SAMD15: variants seen among roughly 807,000 people sequenced by gnomAD.
SAMD15 encodes sterile alpha motif domain containing 15.
In SAMD15, 37 loss-of-function variants were observed where a neutral mutation model predicts 50.5. That is an observed-to-expected ratio of 0.73 (90% CI 0.56 to 0.96). The LOEUF (loss-of-function observed/expected upper bound fraction) is 0.96. Among genes scored for constraint, SAMD15 ranks in the 40% least tolerant of loss-of-function variants. The probability of loss-of-function intolerance (pLI) is 0.00; values close to 1 mark genes in which losing one functional copy is unlikely to be tolerated. For synonymous variants in SAMD15, 255 were observed against 282.8 expected (o/e 0.90, Z 0.99); for missense variants, 789 against 783.8 (o/e 1.01, Z -0.08).
In SAMD15 at chr14:77,383,977, C is replaced by CAAAAA. The variant is rs71128618; in HGVS notation, c.1788+3518_1788+3522dup. Among the ~76,000 whole-genome samples the CAAAAA allele has an allele frequency of 9.1e-4, 54 of 59,084 alleles. 4 individuals are homozygous for CAAAAA. The highest frequency in any genetic ancestry group is 3.7e-3 in the African/African-American group (52 of 14,178). The allele number at this position is 59,084 out of a possible 152,430, so 38.8% of individuals were successfully genotyped here. On this transcript the variant is annotated intron_variant, in intron 2 of 2. Transcript: ENST00000216471. ...TGGGTGACAGAGCAAGACTCAGTCT[C>CAAAAA]AAAAAAAAAAAAAAAAAAAAAAAAA... is the stretch of plus-strand genomic sequence containing the variant.
In SAMD15 at chr14:77,378,750, T is replaced by C. The variant is rs1189448743; in HGVS notation, c.1332T>C (p.Pro444=). The change falls in exon 1 of 3, where the codon CCT becomes CCC. Residue 444 remains proline (P), a synonymous_variant. Transcript: ENST00000216471. ...VGNDELEHRE[P]KRGKLSLSDK... is the part of the protein sequence containing the mutation. The stretch of plus-strand genomic sequence containing the variant: ...ACGATGAGCTAGAGCACCGTGAGCC[T>C]AAAAGAGGAAAGTTGTCACTAAGTG... 1 of 1,612,020 alleles carries C rather than the reference T, an allele frequency of 6.2e-7. No homozygotes were observed. Among genetic ancestry groups the C allele is most frequent in the Non-Finnish European group, 8.5e-7 (1 of 1,179,518 alleles).
chr14:77,377,960 T>G lies in SAMD15; in HGVS notation c.542T>G (p.Leu181Ter). The G allele has an allele frequency of 6.2e-7, 1 of 1,613,990 alleles. No homozygotes were observed. The highest frequency in any genetic ancestry group is 1.1e-5 in the South Asian group (1 of 91,078). ...GGGGCCACAGTCAGAGAGAGAAATT[T>G]AGAATTACTAGAGGAGGAGACTGAA... ...VSGATVRERNLELLEEETEPG... is the reference protein window; with the variant it reads ...VSGATVRERN The change falls in exon 1 of 3, where the codon TTA becomes TGA. Residue 181 changes from leucine to a stop codon, truncating the protein, a stop_gained. Coordinates refer to ENST00000216471, the MANE Select transcript of SAMD15 (RefSeq NM_001010860.4). LOFTEE classifies it high-confidence loss of function.
Position 77,391,297 on chromosome 14 carries a change from G to T in SAMD15, c.*53G>T. ...GATCAAACTAAATTACTTGAGGGAA[G>T]AGGTATGGTCTTTTTTGGTTTTCTT... On this transcript the variant is annotated 3_prime_UTR_variant, in exon 3 of 3. Transcript: ENST00000216471. 8.9e-7 allele frequency: 1 copy of T among 1,117,586 alleles called. No individual in the cohort carries two copies. Among genetic ancestry groups the T allele is most frequent in the South Asian group, 1.4e-5 (1 of 72,172 alleles). The allele number at this position is 1,117,586 out of a possible 1,614,324, so 69.2% of individuals were successfully genotyped here. A position where few individuals can be genotyped will look rare whatever the true frequency, so the allele number is the denominator to read the frequency against.
chr14:77,377,804 C>G lies in SAMD15; in HGVS notation c.386C>G (p.Thr129Arg), dbSNP rs1893866405. ...GATTTGGAGGCCCCTATGGATGAAA[C>G]GCATAAAGAGTCAGACCTAGAGCCA... The part of the protein sequence containing the change: ...FKDLEAPMDE[T>R]HKESDLEPPE... Residue 129 changes from threonine (T) to arginine (R), a missense_variant, in exon 1 of 3, where the codon ACG becomes AGG. Physicochemically the swap from Thr to Arg is moderately conservative, Grantham distance 71. This residue lies in a region of SAMD15 where 770 missense variants were observed against 745.4 expected (regional missense o/e 1.03). Transcript: ENST00000216471. The G allele has an allele frequency of 6.2e-7, 1 of 1,613,898 alleles. No individual in the cohort carries two copies. Among genetic ancestry groups the G allele is most frequent in the Non-Finnish European group, 8.5e-7 (1 of 1,180,018 alleles).
At position 77,391,285 on chromosome 14, in the gene SAMD15, T is replaced by C; in HGVS notation, c.*41T>C. On this transcript the variant is annotated 3_prime_UTR_variant, in exon 3 of 3. Transcript: ENST00000216471. ...CAGAGCTTGAAAGATCAAACTAAATTACTTGAGGGAAGAGGTATGGTCTTT... is the reference window on the plus strand; with the variant it reads ...CAGAGCTTGAAAGATCAAACTAAATCACTTGAGGGAAGAGGTATGGTCTTT... 7.8e-7 allele frequency: 1 copy of C among 1,274,004 alleles called. No individual in the cohort carries two copies. 78.9% of individuals were successfully genotyped at this position (1,274,004 alleles called of 1,614,324 possible).
At chr14:77,384,379 C>A (rs112458580) in intron 2 of SAMD15, among the ~76,000 whole-genome samples, 15 of 152,300 alleles carry the variant, frequency 9.8e-5, no homozygotes, top group African/African-American at 3.6e-4. Context: ...AATTGGAATT[C>A]TTCTGTAAGG....
intron 2 of SAMD15, among the ~76,000 whole-genome samples, chr14:77,380,982 A>C (rs1277899272): frequency 6.6e-6 from 1 of 152,128 alleles, no homozygotes; most frequent in Non-Finnish European, 1.5e-5. Flanking sequence ...CACCAGGTCT[A>C]ACACCTTCGC....
chr14:77,378,298 A>G lies in SAMD15; in HGVS notation c.880A>G (p.Arg294Gly), dbSNP rs1353332022. Residue 294 changes from arginine (R) to glycine (G), a missense_variant, in exon 1 of 3, where the codon AGA (arginine) becomes GGA (glycine). Around this residue, in one of 2 missense-constraint regions of SAMD15, gnomAD observed 770 missense variants for 745.4 expected, o/e 1.03. Coordinates refer to ENST00000216471, the MANE Select transcript of SAMD15 (RefSeq NM_001010860.4). ...ACCAGAGGTTCCAGAGGAGATGCAA[A>G]GAAAGGCAACTGAGGAGAAAGGGAC... ...TQPEVPEEMQ[R>G]KATEEKGTEL... 2 of 1,612,190 alleles carry G rather than the reference A, an allele frequency of 1.2e-6. No individual in the cohort carries two copies. Among genetic ancestry groups the G allele is most frequent in the Non-Finnish European group, 1.7e-6 (2 of 1,179,600 alleles).
rs750854921 is a variant in SAMD15, at chr14:77,378,436, G to A, written c.1018G>A (p.Glu340Lys). The A allele has an allele frequency of 1.4e-5, 22 of 1,613,740 alleles. No homozygotes were observed. In the South Asian group the frequency reaches 2.0e-4, roughly 15 times the overall value. ...EEIKLEFPEEESRKTNEETIL... is the reference protein window; with the variant it reads ...EEIKLEFPEEKSRKTNEETIL... ...GATCAAATTAGAGTTTCCTGAGGAA[G>A]AATCAAGAAAAACAAATGAGGAAAC... The change falls in exon 1 of 3, where the codon GAA (glutamate) becomes AAA (lysine). Residue 340 changes from glutamate to lysine, a missense_variant. Physicochemically the swap from Glu to Lys is moderately conservative, Grantham distance 56. This residue lies in a region of SAMD15 where 770 missense variants were observed against 745.4 expected (regional missense o/e 1.03). Coordinates refer to ENST00000216471, the MANE Select transcript of SAMD15 (RefSeq NM_001010860.4).
At chr14:77,385,196 T>A (rs1275664529) in intron 2 of SAMD15, among the ~76,000 whole-genome samples, 1 of 151,938 alleles carries the variant, frequency 6.6e-6, no homozygotes, top group Non-Finnish European at 1.5e-5. Flanking sequence ...AAAAGATTGA[T>A]CTCTCTGATA....
rs113692046 is a variant in SAMD15, at chr14:77,391,822, G to A, written c.*578G>A. 2.0e-5 allele frequency among the ~76,000 whole-genome samples: 3 copies of A among 152,254 alleles called. No individual in the cohort carries two copies. The East Asian group carries it at 5.8e-4, about 29-fold the overall frequency. On this transcript the variant is annotated 3_prime_UTR_variant, in exon 3 of 3. Transcript: ENST00000216471. Reference sequence around the variant, plus strand: ...TAATCCTAGCTCTTTGGGTGGCTGAGGCGGGCAGATCACCTAAGGTCAGGA... The same window carrying A: ...TAATCCTAGCTCTTTGGGTGGCTGAAGCGGGCAGATCACCTAAGGTCAGGA...
In SAMD15 at chr14:77,391,704, G is replaced by T. The variant is rs1343552620; in HGVS notation, c.*460G>T. Among the ~76,000 whole-genome samples the T allele has an allele frequency of 3.3e-5, 5 of 151,814 alleles. No individual in the cohort carries two copies. Among genetic ancestry groups the T allele is most frequent in the Admixed American group, 2.6e-4 (4 of 15,236 alleles). ...CTTATGGTACCCTCCCTTTCTTTTT[G>T]CAATTTAACCCCTTGTTAAAACAAA... On this transcript the variant is annotated 3_prime_UTR_variant, in exon 3 of 3. Coordinates refer to ENST00000216471, the MANE Select transcript of SAMD15 (RefSeq NM_001010860.4).
intron 1 of SAMD15, among the ~76,000 whole-genome samples, chr14:77,379,396 T>TC (rs1245670874): frequency 3.3e-5 from 5 of 152,076 alleles, no homozygotes; most frequent in African/African-American, 1.2e-4. Context: ...CTTTCTTTTT[T>TC]TTTTTTTGAG....
rs763154329 is a variant in SAMD15, at chr14:77,378,318, A to G, written c.900A>G (p.Lys300=). The G allele has an allele frequency of 6.2e-7, 1 of 1,612,192 alleles. No individual in the cohort carries two copies. Among genetic ancestry groups the G allele is most frequent in the South Asian group, 1.1e-5 (1 of 90,714 alleles). Residue 300 remains lysine (K), a synonymous_variant, in exon 1 of 3, where the codon AAA becomes AAG. Coordinates refer to ENST00000216471, the MANE Select transcript of SAMD15 (RefSeq NM_001010860.4). The part of the protein sequence containing the change: ...EEMQRKATEE[K]GTELPERTKP... The stretch of plus-strand genomic sequence containing the variant: ...TGCAAAGAAAGGCAACTGAGGAGAA[A>G]GGGACAGAACTACCTGAGCGGACTA...
At position 77,391,079 on chromosome 14, in the gene SAMD15, C is replaced by A; in HGVS notation, c.1860C>A (p.Pro620=). Residue 620 remains proline (P), a synonymous_variant, in exon 3 of 3, where the codon CCC becomes CCA. Transcript: ENST00000216471. ...EPLFKRSISL[P]YRDIIGLYLE... is the part of the protein sequence containing the mutation. ...TATTCAAACGCTCCATCAGCCTTCC[C>A]TATAGGGATATTATCGGCTTATATT... 6.2e-7 allele frequency: 1 copy of A among 1,614,044 alleles called. No homozygotes were observed. The highest frequency in any genetic ancestry group is 2.2e-5 in the East Asian group (1 of 44,876).
chr14:77,378,450 A>AATTCTAGAAC lies in SAMD15; in HGVS notation c.1033_1034insTTCTAGAACA (p.Asn345IlefsTer5). ...TTCCTGAGGAAGAATCAAGAAAAAC[A>AATTCTAGAAC]AATGAGGAAACAATTCTAGAACAAT... is the stretch of plus-strand genomic sequence containing the variant. On this transcript the variant is annotated frameshift_variant, in exon 1 of 3. Coordinates refer to ENST00000216471, the MANE Select transcript of SAMD15 (RefSeq NM_001010860.4). LOFTEE classifies it high-confidence loss of function. 3 of 1,613,938 alleles carry AATTCTAGAAC rather than the reference A, an allele frequency of 1.9e-6. No homozygotes were observed. Among genetic ancestry groups the AATTCTAGAAC allele is most frequent in the Non-Finnish European group, 8.5e-7 (1 of 1,179,988 alleles).
At chr14:77,386,839 C>A (rs888727404) in intron 2 of SAMD15, among the ~76,000 whole-genome samples, 1 of 152,000 alleles carries the variant, frequency 6.6e-6, no homozygotes, top group Admixed American at 6.6e-5. Context: ...AATAAAAGAA[C>A]AGCAGCCTTT....
chr14:77,386,795 A>G (rs1283280584), intron 2 of SAMD15, among the ~76,000 whole-genome samples: 4 of 152,214 alleles, frequency 2.6e-5, no homozygotes, highest in Admixed American at 6.5e-5. Flanking sequence ...TACACAATAA[A>G]TTGGTGATGA....
At chr14:77,386,491 T>C (rs1003102498) in intron 2 of SAMD15, among the ~76,000 whole-genome samples, 2 of 152,136 alleles carry the variant, frequency 1.3e-5, no homozygotes, top group African/African-American at 4.8e-5. Context: ...ATAATGCTGG[T>C]ATAGGCTGGC....
Sources: allele counts gnomAD v4.1 joint callset (sites outside exome capture counted in the v4.1 genomes callset), GRCh38; gene constraint gnomAD v4.1.1; regional missense constraint gnomAD v4.1.1; transcripts MANE v1.5; gene names NCBI Gene and HGNC (gene_info 2026-07-23, HGNC 2026-07-21).